SIPA1L1: variants seen among roughly 807,000 people sequenced by gnomAD.
SIPA1L1 encodes signal induced proliferation associated 1 like 1, also known as signal-induced proliferation-associated 1-like protein 1.
Under a neutral mutation model 162.7 loss-of-function variants are expected in SIPA1L1, and 26 were observed. The ratio of observed to expected loss-of-function variants is 0.16; its 90% CI spans 0.12 to 0.22. The LOEUF is 0.22. SIPA1L1 is among the 10% of genes least tolerant of loss of function. The pLI is 1.00. For missense variants in SIPA1L1, 1,874 were observed against 2,241.0 expected, an observed-to-expected ratio of 0.84 and a Z score of 3.31; for synonymous variants, 829 against 837.4, an observed-to-expected ratio of 0.99 and a Z score of 0.17.
chr14:71,567,649 G>A (rs574997722), intron 4 of SIPA1L1, among the ~76,000 whole-genome samples: 10 of 150,202 alleles, frequency 6.7e-5, no homozygotes, highest in Non-Finnish European at 1.3e-4. Flanking sequence ...CAGAACTGAG[G>A]GTACCTCCCC....
At chr14:71,716,099 C>T (rs752073256) in intron 17 of SIPA1L1, among the ~76,000 whole-genome samples, 22 of 150,748 alleles carry the variant, frequency 1.5e-4, no homozygotes, top group Non-Finnish European at 2.6e-4. Context: ...TTACTGCAGT[C>T]ACTTGGATAT....
In SIPA1L1 at chr14:71,588,487, A is replaced by T; in HGVS notation, c.615A>T (p.Glu205Asp). 1.2e-6 allele frequency: 2 copies of T among 1,614,166 alleles called. No homozygotes were observed. The highest frequency in any genetic ancestry group is 1.7e-6 in the Non-Finnish European group (2 of 1,179,992). ...TYKTGPSLHR[E>D]YGSTSSIDKQ... Reference sequence around the variant, plus strand: ...AGACTGGACCATCACTGCACAGGGAATATGGTAGCACATCTTCAATTGATA... The same window carrying T: ...AGACTGGACCATCACTGCACAGGGATTATGGTAGCACATCTTCAATTGATA... Residue 205 changes from glutamate to aspartate, a missense_variant, in exon 5 of 24, where the codon GAA becomes GAT. By Grantham distance (45) the Glu-to-Asp change is conservative. Transcript: ENST00000381232. This position sits in a 1 kb window ranked among gnomAD's most constrained non-coding sequence, Gnocchi z 4.3.
chr14:71,661,813 G>A (rs1311735117), intron 10 of SIPA1L1, among the ~76,000 whole-genome samples: 1 of 152,170 alleles, frequency 6.6e-6, no homozygotes, highest in Non-Finnish European at 1.5e-5. Flanking sequence ...TAATAAATAG[G>A]GAAGAGAAGT....
At chr14:71,671,901 CTGTGTGTG>C (rs34919280) in intron 11 of SIPA1L1, among the ~76,000 whole-genome samples, 1,676 of 142,598 alleles carry the variant, frequency 0.012, 11 homozygotes, top group South Asian at 0.026. Flanking sequence ...CACATTTACT[CTGTGTGTG>C]TGTGTGTGTG....
intron 4 of SIPA1L1, among the ~76,000 whole-genome samples, chr14:71,536,095 T>A (rs1228766045): frequency 6.7e-6 from 1 of 149,672 alleles, no homozygotes; most frequent in Non-Finnish European, 1.5e-5. Context: ...ACTAACATTC[T>A]CTCATCCTTC....
intron 5 of SIPA1L1, among the ~76,000 whole-genome samples, chr14:71,603,933 TTATA>T (rs930450315): frequency 6.9e-6 from 1 of 144,324 alleles, no homozygotes; most frequent in African/African-American, 2.6e-5. Flanking sequence ...ATATATATAT[TTATA>T]TATCTATATA....
At chr14:71,687,939 T>G (rs1354503591) in intron 13 of SIPA1L1, among the ~76,000 whole-genome samples, 1 of 152,202 alleles carries the variant, frequency 6.6e-6, no homozygotes, top group Non-Finnish European at 1.5e-5. Flanking sequence ...TTCAGTACAC[T>G]AGACTAGGAT....
chr14:71,477,714 C>G (rs1295633982), intron 2 of SIPA1L1, among the ~76,000 whole-genome samples: 5 of 151,768 alleles, frequency 3.3e-5, no homozygotes, highest in African/African-American at 9.7e-5. Context: ...GAGTAGATCC[C>G]TTTATATGAA....
chr14:71,334,475 A>T (rs1233213411), intron 2 of SIPA1L1, among the ~76,000 whole-genome samples: 2 of 152,128 alleles, frequency 1.3e-5, no homozygotes, highest in Non-Finnish European at 2.9e-5. Flanking sequence ...TTCTGGGAGA[A>T]CTTGGTATGT....
At chr14:71,417,500 A>AAAAAAAAAAAAC (rs1566996062) in intron 2 of SIPA1L1, among the ~76,000 whole-genome samples, 1 of 146,410 alleles carries the variant, frequency 6.8e-6, no homozygotes, top group African/African-American at 2.5e-5. Flanking sequence ...AAAAAAAAAA[A>AAAAAAAAAAAAC]AAAGAAAATC....
At chr14:71,543,701 C>CTTTTTTTT (rs561910140) in intron 4 of SIPA1L1, among the ~76,000 whole-genome samples, 1 of 126,450 alleles carries the variant, frequency 7.9e-6, no homozygotes, top group Non-Finnish European at 1.7e-5. Flanking sequence ...TAACTTTTTT[C>CTTTTTTTT]TTTTTTTTTT....
At chr14:71,567,790 A>G (rs929636239) in intron 4 of SIPA1L1, among the ~76,000 whole-genome samples, 1 of 149,098 alleles carries the variant, frequency 6.7e-6, no homozygotes. Flanking sequence ...GAGCAAACTT[A>G]TAGTTATTTC....
chr14:71,341,589 T>C (rs2035657450), intron 2 of SIPA1L1, among the ~76,000 whole-genome samples: 1 of 152,192 alleles, frequency 6.6e-6, no homozygotes, highest in Non-Finnish European at 1.5e-5. Context: ...GGGCTTCTAA[T>C]AATCTCGTTA....
chr14:71,676,365 A>T (rs1027176089), intron 12 of SIPA1L1, among the ~76,000 whole-genome samples: 7 of 151,360 alleles, frequency 4.6e-5, no homozygotes, highest in African/African-American at 1.7e-4. Context: ...AAATATGCAG[A>T]CCCCTTATGA....
At chr14:71,518,521 T>C (rs897186344) in intron 3 of SIPA1L1, among the ~76,000 whole-genome samples, 2 of 152,220 alleles carry the variant, frequency 1.3e-5, no homozygotes, top group African/African-American at 2.4e-5. Flanking sequence ...ATGTGTAGTA[T>C]CTTGATTTTT....
At chr14:71,324,512 A>C (rs965004020) in intron 2 of SIPA1L1, among the ~76,000 whole-genome samples, 2 of 152,222 alleles carry the variant, frequency 1.3e-5, no homozygotes, top group African/African-American at 4.8e-5. Flanking sequence ...GAAACGAACG[A>C]TCTGTGGTGA....
At chr14:71,360,687 A>G (rs1473283191) in intron 2 of SIPA1L1, among the ~76,000 whole-genome samples, 1 of 152,196 alleles carries the variant, frequency 6.6e-6, no homozygotes, top group East Asian at 1.9e-4. Context: ...TGCTTACTTG[A>G]GGAATTGCCT....
chr14:71,443,906 A>G (rs1022962481), intron 2 of SIPA1L1, among the ~76,000 whole-genome samples: 9 of 152,184 alleles, frequency 5.9e-5, no homozygotes, highest in African/African-American at 2.2e-4. Flanking sequence ...CCCCCTCTCC[A>G]CAGGTCTGTG....
chr14:71,523,003 T>A (rs979423253), intron 3 of SIPA1L1, among the ~76,000 whole-genome samples: 11 of 152,192 alleles, frequency 7.2e-5, no homozygotes, highest in Non-Finnish European at 1.5e-4. Context: ...TGCATTTTTT[T>A]ATTTGAGAAA....
Sources: allele counts gnomAD v4.1 joint callset (sites outside exome capture counted in the v4.1 genomes callset), GRCh38; gene constraint gnomAD v4.1.1; non-coding constraint Gnocchi (gnomAD v3.1); transcripts MANE v1.5; gene names NCBI Gene and HGNC (gene_info 2026-07-23, HGNC 2026-07-21).